SYCP1: variants seen among roughly 807,000 people sequenced by gnomAD.
SYCP1 encodes the protein synaptonemal complex protein 1.
In SYCP1, 64 loss-of-function variants were observed where a neutral mutation model predicts 153.1. The ratio of observed to expected loss-of-function variants is 0.42; its 90% CI spans 0.34 to 0.51. The LOEUF (loss-of-function observed/expected upper bound fraction) is 0.51. SYCP1 is among the 20% of genes least tolerant of loss of function. The pLI is 0.06. For missense variants in SYCP1, 997 were observed against 1,049.0 expected, an observed-to-expected ratio of 0.95 and a Z score of 0.68; for synonymous variants, 384 against 341.8, an observed-to-expected ratio of 1.12 and a Z score of -1.36.
intron 27 of SYCP1, among the ~76,000 whole-genome samples, chr1:114,961,608 T>C (rs1671784400): frequency 6.6e-6 from 1 of 152,246 alleles, no homozygotes. Context: ...CCAGAGACCA[T>C]TCAGGAGAAG....
At chr1:114,994,461 A>G (rs1674137595) in intron 30 of SYCP1, among the ~76,000 whole-genome samples, 2 of 151,386 alleles carry the variant, frequency 1.3e-5, no homozygotes, top group Admixed American at 1.3e-4. Context: ...TTAATAGAAT[A>G]AAAATCTAGG....
intron 3 of SYCP1, 103 bp from the exon 4 acceptor site, chr1:114,857,125 CCTCT>C (rs1664022596): frequency 2.7e-6 from 2 of 731,254 alleles, no homozygotes; most frequent in Admixed American, 4.1e-5. Flanking sequence ...TGCCAGATGT[CCTCT>C]CTCTCTCAAA....
At chr1:114,932,796 G>A (rs746200933) in intron 23 of SYCP1, among the ~76,000 whole-genome samples, 47 of 152,202 alleles carry the variant, frequency 3.1e-4, no homozygotes, top group Non-Finnish European at 3.8e-4. Flanking sequence ...AAGGAGCCTC[G>A]CTCACTGCTA....
At chr1:114,872,011 T>C (rs1665177468) in intron 8 of SYCP1, among the ~76,000 whole-genome samples, 1 of 150,144 alleles carries the variant, frequency 6.7e-6, no homozygotes, top group Admixed American at 6.6e-5. Context: ...TTTTTCTTTT[T>C]TTTTTTTTTT....
chr1:114,876,201 T>G, intron 10 of SYCP1, 63 bp downstream of exon 10: 2 of 1,146,518 alleles, frequency 1.7e-6, no homozygotes, highest in Non-Finnish European at 2.4e-6. Flanking sequence ...TTTTATCAGA[T>G]TCCGTTAATG....
At chr1:114,991,282 G>A (rs1368267885) in intron 30 of SYCP1, among the ~76,000 whole-genome samples, 1 of 151,706 alleles carries the variant, frequency 6.6e-6, no homozygotes, top group South Asian at 2.1e-4. Flanking sequence ...GTTGAAGAAG[G>A]AACACCTCCT....
At chr1:114,919,697 G>T (rs1198531005) in intron 20 of SYCP1, among the ~76,000 whole-genome samples, 1 of 151,910 alleles carries the variant, frequency 6.6e-6, no homozygotes, top group African/African-American at 2.4e-5. Flanking sequence ...CGTCTGTTCA[G>T]GTTTTAGATT....
chr1:114,863,778 G>T (rs1441798111), intron 8 of SYCP1, among the ~76,000 whole-genome samples: 3 of 152,030 alleles, frequency 2.0e-5, no homozygotes, highest in Admixed American at 6.6e-5. Flanking sequence ...TTTTGAATGG[G>T]TTTCTTTTTT....
At chr1:114,977,883 A>G (rs1048942944) in intron 28 of SYCP1, among the ~76,000 whole-genome samples, 3 of 151,464 alleles carry the variant, frequency 2.0e-5, no homozygotes, top group African/African-American at 4.8e-5. Context: ...TTTCTCTACA[A>G]TTCTTATTAT....
At chr1:114,878,067 T>C in intron 11 of SYCP1, 27 bp from the exon 12 acceptor site, 2 of 1,248,646 alleles carry the variant, frequency 1.6e-6, no homozygotes, top group South Asian at 1.4e-5. Context: ...ATTTTCATAT[T>C]GATAATGTAT....
intron 7 of SYCP1, among the ~76,000 whole-genome samples, 183 bp downstream of exon 7, chr1:114,859,993 G>A (rs1664267200): frequency 6.6e-6 from 1 of 152,128 alleles, no homozygotes; most frequent in Non-Finnish European, 1.5e-5. Flanking sequence ...GCAAACTGTG[G>A]TCACTGACTA....
At chr1:114,876,624 T>TAATA (rs1336293058) in intron 10 of SYCP1, 113 bp from the exon 11 acceptor site, 12 of 474,142 alleles carry the variant, frequency 2.5e-5, no homozygotes, top group Non-Finnish European at 3.8e-5. Context: ...TTTTAGAGTT[T>TAATA]AATATAATTT....
intron 8 of SYCP1, among the ~76,000 whole-genome samples, chr1:114,873,392 C>G (rs765558955): frequency 1.1e-4 from 16 of 152,178 alleles, no homozygotes; most frequent in Non-Finnish European, 2.1e-4. Flanking sequence ...TCCCTCTCCT[C>G]CTTAGATGGG....
At chr1:114,906,315 AAAT>A (rs1273688509) in intron 16 of SYCP1, among the ~76,000 whole-genome samples, 2 of 151,478 alleles carry the variant, frequency 1.3e-5, no homozygotes, top group Admixed American at 6.6e-5. Context: ...AGATCTTTTC[AAAT>A]AATTAGTTTA....
At chr1:114,866,212 G>A (rs1341279102) in intron 8 of SYCP1, among the ~76,000 whole-genome samples, 2 of 152,124 alleles carry the variant, frequency 1.3e-5, no homozygotes, top group African/African-American at 4.8e-5. Flanking sequence ...CACAATTCCT[G>A]GATCACATGG....
chr1:114,963,534 C>A (rs1389530660), intron 27 of SYCP1, among the ~76,000 whole-genome samples: 1 of 152,116 alleles, frequency 6.6e-6, no homozygotes, highest in Non-Finnish European at 1.5e-5. Context: ...TGCCCCCAAC[C>A]CCTGACAGAC....
In SYCP1 at chr1:114,967,046, G is replaced by A. The variant is rs1174504261; in HGVS notation, c.2323-10511G>A. 2.6e-5 allele frequency among the ~76,000 whole-genome samples: 4 copies of A among 152,112 alleles called. No individual in the cohort carries two copies. In the East Asian group the frequency reaches 5.8e-4, roughly 22 times the overall value. ...TGCACTGTGGTCTGAGAGACTGTTT[G>A]TAATGATTTCCGTTCTTTTGCATTT... On this transcript the variant is annotated intron_variant, in intron 27 of 31. Transcript: ENST00000369522.
Position 114,938,462 on chromosome 1 carries a change from A to G in SYCP1, c.1927-5877A>G, listed in dbSNP as rs544510488. 1.0e-3 allele frequency among the ~76,000 whole-genome samples: 158 copies of G among 152,220 alleles called. 2 individuals carry two copies. The highest frequency in any genetic ancestry group is 3.7e-3 in the African/African-American group (153 of 41,526). On this transcript the variant is annotated intron_variant, in intron 23 of 31. Transcript: ENST00000369522. ...TACCTAATGTAAATGACGAGTTAAC[A>G]GGTACAGCACACCAACATGGCACAT...
chr1:114,973,277 A>G (rs534981322), intron 27 of SYCP1, among the ~76,000 whole-genome samples: 1 of 152,124 alleles, frequency 6.6e-6, no homozygotes, highest in Admixed American at 6.6e-5. Context: ...CTTTATGTCT[A>G]GTATGTTCTG....
Sources: gnomAD v4.1 joint callset for allele counts (sites outside exome capture counted in the v4.1 genomes callset) on GRCh38, gnomAD v4.1.1 for gene constraint, MANE v1.5 for transcripts, NCBI Gene and HGNC (gene_info 2026-07-23, HGNC 2026-07-21) for gene names.